Variants in IGF1R observed in about 807,000 individuals in gnomAD.
IGF1R encodes insulin-like growth factor 1 receptor.
IGF1R carries 44 observed loss-of-function variants against 144.6 expected under a neutral mutation model. The ratio of observed to expected loss-of-function variants is 0.30; its 90% confidence interval spans 0.24 to 0.39. IGF1R has a LOEUF of 0.39. Among genes scored for constraint, IGF1R ranks in the 10% least tolerant of loss-of-function variants. The probability of loss-of-function intolerance (pLI) is 1.00; values close to 1 mark genes in which losing one functional copy is unlikely to be tolerated. For missense variants in IGF1R, 1,355 were observed against 1,833.7 expected, an observed-to-expected ratio of 0.74 and a Z score of 4.77; for synonymous variants, 795 against 722.8, an observed-to-expected ratio of 1.10 and a Z score of -1.60.
intron 1 of IGF1R, among the ~76,000 whole-genome samples, chr15:98,701,232 A>G (rs2053724283): frequency 6.6e-6 from 1 of 151,588 alleles, no homozygotes; most frequent in Admixed American, 6.6e-5. Context: ...AATGTGCTTT[A>G]CCTTCACAGT....
At position 98,960,037 on chromosome 15, in the gene IGF1R, GTTTT is replaced by G. The variant is rs927464823; in HGVS notation, c.*2600_*2603del. ...GATGGGACAGTTCTTGATTTTTTGG[GTTTT>G]TTTTCCCCCAAACATTTATCTACCT... On this transcript the variant is annotated 3_prime_UTR_variant, in exon 21 of 21. Coordinates refer to ENST00000650285, the MANE Select transcript of IGF1R (RefSeq NM_000875.5). The G allele has an allele frequency of 6.9e-5, 16 of 232,920 alleles. No homozygotes were observed. Among genetic ancestry groups the G allele is most frequent in the African/African-American group, 2.7e-4 (12 of 45,214 alleles). 14.4% of individuals were successfully genotyped at this position (232,920 alleles called of 1,614,324 possible). A position where few individuals can be genotyped will look rare whatever the true frequency, so the allele number is the denominator to read the frequency against.
At chr15:98,753,083 G>A (rs981669174) in intron 2 of IGF1R, among the ~76,000 whole-genome samples, 11 of 151,696 alleles carry the variant, frequency 7.3e-5, no homozygotes, top group South Asian at 2.1e-4. Context: ...CTACAGGCAC[G>A]TGCCACCACA....
At chr15:98,668,064 C>T (rs1322319683) in intron 1 of IGF1R, among the ~76,000 whole-genome samples, 1 of 152,088 alleles carries the variant, frequency 6.6e-6, no homozygotes. Context: ...GATCAAGGTG[C>T]CGACCAAATT....
Position 98,923,668 on chromosome 15 carries a change from C to T in IGF1R, c.2486-208C>T, listed in dbSNP as rs8039599. ...TGTGGTTGGTGTATTCTGAACCCTC[C>T]GCTGTGTGAGCAGCCCGCTCAGGGG... On this transcript the variant is annotated intron_variant, in intron 11 of 20. Transcript: ENST00000650285. The T allele has an allele frequency of 7.2e-3, 4,197 of 586,238 alleles. 118 individuals carry two copies. The highest frequency in any genetic ancestry group is 0.062 in the African/African-American group (3,282 of 52,580). 36.3% of individuals were successfully genotyped at this position (586,238 alleles called of 1,614,324 possible).
intron 1 of IGF1R, among the ~76,000 whole-genome samples, chr15:98,696,589 C>G (rs575597924): frequency 1.3e-5 from 2 of 152,166 alleles, no homozygotes; most frequent in African/African-American, 4.8e-5. Context: ...CGGCTTCTGA[C>G]CCAGGGCTTC....
intron 1 of IGF1R, among the ~76,000 whole-genome samples, chr15:98,659,542 C>T (rs1487221570): frequency 6.6e-6 from 1 of 152,188 alleles, no homozygotes; most frequent in Non-Finnish European, 1.5e-5. Context: ...CTACAGACTT[C>T]TGTAGAAATC....
intron 17 of IGF1R, among the ~76,000 whole-genome samples, chr15:98,937,379 G>A (rs183647859): frequency 4.6e-5 from 7 of 152,234 alleles, no homozygotes; most frequent in African/African-American, 1.7e-4. Flanking sequence ...CTGGCTCTGC[G>A]GCTGGCTGCC....
chr15:98,893,674 A>T (rs541740007), intron 3 of IGF1R: 19 of 152,274 alleles, frequency 1.2e-4, no homozygotes, highest in African/African-American at 4.6e-4. Flanking sequence ...TGACATTTGG[A>T]GGCCTTCAGT....
intron 2 of IGF1R, among the ~76,000 whole-genome samples, chr15:98,780,160 AT>A (rs1285687436): frequency 2.0e-5 from 3 of 151,916 alleles, no homozygotes; most frequent in Non-Finnish European, 4.4e-5. Context: ...TAATAAAAAA[AT>A]AAATAAAATA....
intron 13 of IGF1R, among the ~76,000 whole-genome samples, chr15:98,925,098 GA>G (rs1339308683): frequency 1.3e-5 from 2 of 151,974 alleles, no homozygotes; most frequent in Non-Finnish European, 2.9e-5. Context: ...TTCAGGGCTT[GA>G]AATCCTAAGG....
Position 98,716,474 on chromosome 15 carries a change from C to T in IGF1R, c.640+8367C>T, listed in dbSNP as rs145991252. Among the ~76,000 whole-genome samples the T allele has an allele frequency of 2.6e-3, 401 of 152,278 alleles. 2 individuals are homozygous for T. Among genetic ancestry groups the T allele is most frequent in the African/African-American group, 9.2e-3 (382 of 41,562 alleles). ...GAGATCATTTATATGGAAGAAGGAA[C>T]CCCAAGTAGAAACCCAAAATCTAGA... On this transcript the variant is annotated intron_variant, in intron 2 of 20. Coordinates refer to ENST00000650285, the MANE Select transcript of IGF1R (RefSeq NM_000875.5).
intron 2 of IGF1R, among the ~76,000 whole-genome samples, chr15:98,833,856 C>G (rs968977001): frequency 1.8e-4 from 28 of 152,176 alleles, no homozygotes. Flanking sequence ...AACATGCTAT[C>G]TAGAGGCAGC....
intron 5 of IGF1R, among the ~76,000 whole-genome samples, chr15:98,900,063 G>T (rs3743260): frequency 6.6e-6 from 1 of 152,182 alleles, no homozygotes; most frequent in Admixed American, 6.5e-5. Flanking sequence ...GTGAGAGCAC[G>T]GGAGGAGCAT....
rs192066680 is a variant in IGF1R at position 98,960,887 on chromosome 15, C to T, written c.*3445C>T. 150 of 233,818 alleles carry T rather than the reference C, an allele frequency of 6.4e-4. 2 individuals carry two copies. Among genetic ancestry groups the T allele is most frequent in the Middle Eastern group, 2.5e-3 (2 of 792 alleles). 14.5% of individuals were successfully genotyped at this position (233,818 alleles called of 1,614,324 possible). A position where few individuals can be genotyped will look rare whatever the true frequency, so the allele number is the denominator to read the frequency against. The stretch of plus-strand genomic sequence containing the variant: ...GGCTGGAAAGCCCAGTGGCCGGCGC[C>T]GAGGCTCGTGGCGTCACGCCCCCCC... On this transcript the variant is annotated 3_prime_UTR_variant, in exon 21 of 21. Transcript: ENST00000650285.
intron 4 of IGF1R, among the ~76,000 whole-genome samples, chr15:98,898,636 A>G (rs1436452937): frequency 6.6e-6 from 1 of 152,226 alleles, no homozygotes; most frequent in Non-Finnish European, 1.5e-5. Flanking sequence ...TATCAACTCA[A>G]AGCAAAATAG....
chr15:98,671,688 G>A (rs929464774), intron 1 of IGF1R, among the ~76,000 whole-genome samples: 2 of 152,150 alleles, frequency 1.3e-5, no homozygotes, highest in Admixed American at 6.5e-5. Context: ...GGCCATTTCA[G>A]GATCAGCCAT....
chr15:98,661,956 CTTTTTTTTTT>C (rs869208651), intron 1 of IGF1R, among the ~76,000 whole-genome samples: 29 of 105,718 alleles, frequency 2.7e-4, no homozygotes, highest in Admixed American at 5.9e-4. Context: ...GAATAGGGCC[CTTTTTTTTTT>C]TTTTTTTTTT....
chr15:98,916,638 C>G (rs997039858), intron 9 of IGF1R, 34 bp from the exon 10 acceptor site: 6 of 1,576,588 alleles, frequency 3.8e-6, no homozygotes, highest in Non-Finnish European at 5.2e-6. Context: ...GGCTTTCATT[C>G]CCACTCTTGT....
At chr15:98,709,748 G>A (rs2053949152) in intron 2 of IGF1R, among the ~76,000 whole-genome samples, 1 of 152,226 alleles carries the variant, frequency 6.6e-6, no homozygotes, top group Non-Finnish European at 1.5e-5. Flanking sequence ...TTCTAGGGCA[G>A]TCCAGTACAT....
Sources: allele counts gnomAD v4.1 joint callset (sites outside exome capture counted in the v4.1 genomes callset), GRCh38; gene constraint gnomAD v4.1.1; transcripts MANE v1.5; gene names NCBI Gene and HGNC (gene_info 2026-07-23, HGNC 2026-07-21).